The following CDH9 variants were observed in gnomAD, a reference collection of about 807,000 sequenced individuals.
CDH9 encodes cadherin-9.
Under a neutral mutation model 70.9 loss-of-function variants are expected in CDH9, and 28 were observed. The observed-to-expected ratio is 0.40, with a 90% confidence interval of 0.29 to 0.54. The LOEUF (loss-of-function observed/expected upper bound fraction) is 0.54. Among genes scored for constraint, CDH9 ranks in the 20% least tolerant of loss-of-function variants. The pLI, the probability that CDH9 is intolerant of heterozygous loss-of-function variation, is 0.59. For missense variants in CDH9, 874 were observed against 984.4 expected (o/e 0.89, Z 1.50); for synonymous variants, 409 against 343.1 (o/e 1.19, Z -2.12).
chr5:26,950,038 A>G (rs1277100391), intron 2 of CDH9, among the ~76,000 whole-genome samples: 1 of 152,186 alleles, frequency 6.6e-6, no homozygotes, highest in East Asian at 1.9e-4. Context: ...GGGACATCAG[A>G]GTGAATTGGG....
At position 26,943,512 on chromosome 5, in the gene CDH9, CAAA is replaced by C. The variant is rs5866812; in HGVS notation, c.229-27591_229-27589del. Among the ~76,000 whole-genome samples the C allele has an allele frequency of 3.8e-3, 460 of 122,148 alleles. 3 individuals are homozygous for C. Among genetic ancestry groups the C allele is most frequent in the African/African-American group, 0.013 (426 of 31,804 alleles). The allele number at this position is 122,148 out of a possible 152,430, so 80.1% of individuals were successfully genotyped here. A position where few individuals can be genotyped will look rare whatever the true frequency, so the allele number is the denominator to read the frequency against. Reference sequence around the variant, plus strand: ...TGGGCAACAGAGTGAGACTCCATCTCAAAAAAAAAAAAAAAAGCTAACTCAGGA... The same window carrying C: ...TGGGCAACAGAGTGAGACTCCATCTCAAAAAAAAAAAAAGCTAACTCAGGA... On this transcript the variant is annotated intron_variant, in intron 2 of 11. Coordinates refer to ENST00000231021, the MANE Select transcript of CDH9 (RefSeq NM_016279.4).
chr5:26,998,876 A>G (rs926541919), intron 1 of CDH9, among the ~76,000 whole-genome samples: 2 of 152,166 alleles, frequency 1.3e-5, no homozygotes, highest in East Asian at 3.9e-4. Flanking sequence ...TTTTATGAAG[A>G]ATCAGTCAAT....
chr5:27,033,266 A>G (rs985459406), intron 1 of CDH9, among the ~76,000 whole-genome samples: 23 of 151,370 alleles, frequency 1.5e-4, no homozygotes, highest in African/African-American at 5.6e-4. Context: ...CCAGTTACAC[A>G]TTGTAATAAT....
intron 2 of CDH9, among the ~76,000 whole-genome samples, chr5:26,962,226 T>C (rs1742049300): frequency 6.6e-6 from 1 of 152,196 alleles, no homozygotes; most frequent in Non-Finnish European, 1.5e-5. Flanking sequence ...AGTCTATCAT[T>C]GATGGGCATT....
chr5:26,988,060 T>C (rs1208657090), intron 2 of CDH9, 46 bp downstream of exon 2: 2 of 1,372,358 alleles, frequency 1.5e-6, no homozygotes, highest in South Asian at 1.3e-5. Context: ...AAAAAATAAA[T>C]AGCTGTCACT....
At position 26,916,083 on chromosome 5, in the gene CDH9, G is replaced by T. The variant is rs1333362245; in HGVS notation, c.229-159C>A. 2.0e-5 allele frequency among the ~76,000 whole-genome samples: 3 copies of T among 151,754 alleles called. No individual in the cohort carries two copies. In the South Asian group the frequency reaches 6.2e-4, roughly 31 times the overall value. On this transcript the variant is annotated intron_variant, in intron 2 of 11. Transcript: ENST00000231021. Reference sequence around the variant, plus strand: ...CTGTGAGAGGGAGTTAAATATTTCAGTTCTTATTACACTCAAAATTTTTAA... The same window carrying T: ...CTGTGAGAGGGAGTTAAATATTTCATTTCTTATTACACTCAAAATTTTTAA...
At chr5:27,025,006 A>T (rs1159759957) in intron 1 of CDH9, among the ~76,000 whole-genome samples, 1 of 152,108 alleles carries the variant, frequency 6.6e-6, no homozygotes, top group Non-Finnish European at 1.5e-5. Flanking sequence ...GCAAAACAGG[A>T]TTCACCCAAA....
chr5:26,946,997 T>C (rs1159082727), intron 2 of CDH9, among the ~76,000 whole-genome samples: 1 of 152,168 alleles, frequency 6.6e-6, no homozygotes, highest in Non-Finnish European at 1.5e-5. Flanking sequence ...TAAAGAGATT[T>C]TTCAGTGATT....
intron 7 of CDH9, 51 bp downstream of exon 7, chr5:26,902,425 G>C (rs752568672): frequency 8.0e-7 from 1 of 1,257,476 alleles, no homozygotes; most frequent in South Asian, 1.3e-5. Context: ...TTTGTAAATA[G>C]TGAGATTATT....
At chr5:26,893,681 AT>A (rs1219896259) in intron 7 of CDH9, among the ~76,000 whole-genome samples, 2 of 83,130 alleles carry the variant, frequency 2.4e-5, no homozygotes, top group African/African-American at 7.1e-5. Context: ...ATATATATAT[AT>A]TTTATTTTAT....
intron 3 of CDH9, among the ~76,000 whole-genome samples, chr5:26,914,120 T>C (rs1741104234): frequency 6.6e-6 from 1 of 152,054 alleles, no homozygotes; most frequent in African/African-American, 2.4e-5. Flanking sequence ...ATCTTAATTA[T>C]ACTTTTTACT....
intron 9 of CDH9, among the ~76,000 whole-genome samples, chr5:26,886,772 A>G (rs1375468589): frequency 2.6e-5 from 4 of 152,150 alleles, no homozygotes; most frequent in Non-Finnish European, 5.9e-5. Flanking sequence ...AGTGTAAGTA[A>G]ATAAGAAGTG....
At chr5:27,003,241 T>A (rs945879527) in intron 1 of CDH9, among the ~76,000 whole-genome samples, 1 of 152,132 alleles carries the variant, frequency 6.6e-6, no homozygotes, top group African/African-American at 2.4e-5. Flanking sequence ...ATGTTCTACC[T>A]GTATCTGTAA....
intron 2 of CDH9, among the ~76,000 whole-genome samples, chr5:26,939,878 T>C (rs1741629410): frequency 6.6e-6 from 1 of 152,080 alleles, no homozygotes. Flanking sequence ...TGGCCAGGCA[T>C]GGTGGCTCAC....
chr5:26,892,797 C>A (rs2111975882), intron 7 of CDH9, among the ~76,000 whole-genome samples: 1 of 152,296 alleles, frequency 6.6e-6, no homozygotes, highest in East Asian at 1.9e-4. Context: ...GTGGCGCGAT[C>A]TCGGCTCACT....
chr5:26,992,657 G>A (rs887506671), intron 1 of CDH9, among the ~76,000 whole-genome samples: 1 of 152,134 alleles, frequency 6.6e-6, no homozygotes, highest in Admixed American at 6.5e-5. Context: ...TTTGGAACTG[G>A]GTAATAATAG....
intron 2 of CDH9, among the ~76,000 whole-genome samples, chr5:26,984,844 AC>A (rs746312272): frequency 6.6e-6 from 1 of 152,138 alleles, no homozygotes; most frequent in Non-Finnish European, 1.5e-5. Flanking sequence ...AGAATGACCA[AC>A]CAAATTTCAA....
intron 2 of CDH9, among the ~76,000 whole-genome samples, chr5:26,959,127 A>G (rs920758759): frequency 6.6e-6 from 1 of 152,192 alleles, no homozygotes; most frequent in African/African-American, 2.4e-5. Context: ...TTTAGGATTC[A>G]TAATATATAA....
At position 26,906,797 on chromosome 5, in the gene CDH9, C is replaced by T. The variant is rs372629879; in HGVS notation, c.565G>A (p.Ala189Thr). The change falls in exon 4 of 12, where the codon GCC becomes ACC. Residue 189 changes from alanine to threonine, a missense_variant. By Grantham distance (58) the Ala-to-Thr change is moderately conservative. Coordinates refer to ENST00000231021, the MANE Select transcript of CDH9 (RefSeq NM_016279.4). ...ACTTTGGCACTATTTCCATAGTTGG[C>T]GTCATCTGCATCTGTTGCAGTTACT... ...IQVTATDADD[A>T]NYGNSAKVVY... 44 of 1,612,972 alleles carry T rather than the reference C, an allele frequency of 2.7e-5. No individual in the cohort carries two copies. Among genetic ancestry groups the T allele is most frequent in the African/African-American group, 4.0e-5 (3 of 75,020 alleles).
Sources: allele counts gnomAD v4.1 joint callset (sites outside exome capture counted in the v4.1 genomes callset), GRCh38; gene constraint gnomAD v4.1.1; transcripts MANE v1.5; gene names NCBI Gene and HGNC (gene_info 2026-07-23, HGNC 2026-07-21).